Variants in HECW2 observed in about 807,000 individuals in gnomAD.
The protein encoded by HECW2 is E3 ubiquitin-protein ligase HECW2.
In HECW2, 61 loss-of-function variants were observed where a neutral mutation model predicts 175.2. The ratio of observed to expected loss-of-function variants is 0.35; its 90% CI spans 0.28 to 0.43. The LOEUF is 0.43. Among genes scored for constraint, HECW2 ranks in the 20% least tolerant of loss-of-function variants. The probability of loss-of-function intolerance (pLI) is 1.00; values close to 1 mark genes in which losing one functional copy is unlikely to be tolerated. For missense variants in HECW2, 1,524 were observed against 2,000.5 expected (o/e 0.76, Z 4.54); for synonymous variants, 671 against 731.0 (o/e 0.92, Z 1.32).
At chr2:196,207,699 A>T (rs115830536) in intron 28 of HECW2, among the ~76,000 whole-genome samples, 2 of 152,338 alleles carry the variant, frequency 1.3e-5, no homozygotes, top group East Asian at 3.9e-4. Flanking sequence ...AGGTCAACGT[A>T]TATCTCCCAC....
chr2:196,511,660 T>A (rs964058630), intron 1 of HECW2, among the ~76,000 whole-genome samples: 1 of 152,110 alleles, frequency 6.6e-6, no homozygotes, highest in African/African-American at 2.4e-5. Context: ...TATGAGGAAA[T>A]ATTCCTGAAC....
At chr2:196,449,168 G>A (rs1391236519) in intron 1 of HECW2, among the ~76,000 whole-genome samples, 2 of 151,736 alleles carry the variant, frequency 1.3e-5, no homozygotes, top group Non-Finnish European at 2.9e-5. Flanking sequence ...ATTTCGCTGG[G>A]CTACAGTACC....
At chr2:196,416,765 C>G (rs1695266791) in intron 2 of HECW2, among the ~76,000 whole-genome samples, 1 of 152,172 alleles carries the variant, frequency 6.6e-6, no homozygotes, top group South Asian at 2.1e-4. Flanking sequence ...ATGACAAGGG[C>G]TTTGTTGTTA....
At chr2:196,588,491 A>G (rs1311108525) in intron 1 of HECW2, among the ~76,000 whole-genome samples, 3 of 152,238 alleles carry the variant, frequency 2.0e-5, no homozygotes, top group Admixed American at 2.0e-4. Context: ...GATGATTTAA[A>G]GTTTGGAGAG....
At position 196,268,610 on chromosome 2, in the gene HECW2, G is replaced by A. The variant is rs147067634; in HGVS notation, c.3335+2583C>T. Among the ~76,000 whole-genome samples, 595 of 152,294 alleles carry A rather than the reference G, an allele frequency of 3.9e-3. 2 individuals are homozygous for A. The highest frequency in any genetic ancestry group is 0.014 in the African/African-American group (566 of 41,558). The stretch of plus-strand genomic sequence containing the variant: ...GTAGATTAGATCACCTAATCTCTCT[G>A]ATGGTGGAGATTTAAAGATATGTTA... On this transcript the variant is annotated intron_variant, in intron 17 of 28. Transcript: ENST00000644978.
chr2:196,345,764 G>T (rs1319448377), intron 2 of HECW2, among the ~76,000 whole-genome samples: 1 of 152,186 alleles, frequency 6.6e-6, no homozygotes, highest in African/African-American at 2.4e-5. Flanking sequence ...TTTCTGACTT[G>T]ATCTGGAATC....
At chr2:196,337,395 T>G (rs1692587778) in intron 3 of HECW2, among the ~76,000 whole-genome samples, 1 of 151,584 alleles carries the variant, frequency 6.6e-6, no homozygotes, top group South Asian at 2.1e-4. Context: ...GATGACTGAT[T>G]AGGGAGGACC....
chr2:196,270,893 A>G (rs1305948891), intron 17 of HECW2, among the ~76,000 whole-genome samples: 1 of 151,996 alleles, frequency 6.6e-6, no homozygotes, highest in Non-Finnish European at 1.5e-5. Flanking sequence ...ACGGGGTTTC[A>G]CCATGTTGGG....
chr2:196,395,744 G>A (rs1274367784), intron 2 of HECW2, among the ~76,000 whole-genome samples: 2 of 151,810 alleles, frequency 1.3e-5, no homozygotes, highest in Non-Finnish European at 2.9e-5. Context: ...ATGTTAGTGA[G>A]GATGTGGAGA....
chr2:196,484,890 A>AT (rs1686950035), intron 1 of HECW2, among the ~76,000 whole-genome samples: 1 of 152,208 alleles, frequency 6.6e-6, no homozygotes, highest in Non-Finnish European at 1.5e-5. Context: ...TAAAGATTCA[A>AT]TGCGGTAAGC....
Position 196,367,056 on chromosome 2 carries a change from A to T in HECW2, c.293-23292T>A, listed in dbSNP as rs550768210. ...TTCCAATAATGCTTTGCATATAGCAATGAACACAATAATATACCCTGGAGA... is the reference window on the plus strand; with the variant it reads ...TTCCAATAATGCTTTGCATATAGCATTGAACACAATAATATACCCTGGAGA... On this transcript the variant is annotated intron_variant, in intron 2 of 28. Coordinates refer to ENST00000644978, the MANE Select transcript of HECW2 (RefSeq NM_001348768.2). 1.3e-3 allele frequency among the ~76,000 whole-genome samples: 193 copies of T among 152,312 alleles called. 1 individual carries two copies. Among genetic ancestry groups the T allele is most frequent in the African/African-American group, 4.0e-3 (167 of 41,582 alleles).
intron 6 of HECW2, 60 bp from the exon 7 acceptor site, chr2:196,322,680 A>T: frequency 6.9e-7 from 1 of 1,442,772 alleles, no homozygotes; most frequent in Non-Finnish European, 9.6e-7. Flanking sequence ...ATACTATATC[A>T]TTTTATTTGT....
At chr2:196,260,602 T>G (rs1302714713) in intron 17 of HECW2, 1 of 152,234 alleles carries the variant, frequency 6.6e-6, no homozygotes, top group African/African-American at 2.4e-5. Flanking sequence ...GTGGTTAGGC[T>G]TTATACCTTC....
At chr2:196,588,923 C>T (rs1037674719) in intron 1 of HECW2, among the ~76,000 whole-genome samples, 4 of 152,090 alleles carry the variant, frequency 2.6e-5, no homozygotes, top group East Asian at 1.9e-4. Context: ...ATACATAGGC[C>T]GGTCACGGTG....
intron 1 of HECW2, among the ~76,000 whole-genome samples, chr2:196,548,105 G>A (rs1259582018): frequency 6.6e-6 from 1 of 152,078 alleles, no homozygotes; most frequent in Non-Finnish European, 1.5e-5. Flanking sequence ...TAAGATGGGT[G>A]GATCACTTGA....
chr2:196,580,970 G>T (rs905812147), intron 1 of HECW2, among the ~76,000 whole-genome samples: 2 of 152,090 alleles, frequency 1.3e-5, no homozygotes, highest in South Asian at 4.1e-4. Context: ...TCATTTAAAG[G>T]AGTGAAGTAG....
intron 2 of HECW2, among the ~76,000 whole-genome samples, chr2:196,355,511 G>T (rs1236519854): frequency 6.6e-6 from 1 of 152,166 alleles, no homozygotes; most frequent in African/African-American, 2.4e-5. Flanking sequence ...TGCTGTCAAA[G>T]AACTTTCATA....
intron 1 of HECW2, among the ~76,000 whole-genome samples, chr2:196,497,625 C>T (rs1178838012): frequency 6.6e-6 from 1 of 152,146 alleles, no homozygotes; most frequent in Admixed American, 6.5e-5. Context: ...TCCCATTCTC[C>T]CCACCAAGGC....
chr2:196,438,151 A>G (rs915565659), intron 1 of HECW2, among the ~76,000 whole-genome samples: 1 of 152,118 alleles, frequency 6.6e-6, no homozygotes, highest in Non-Finnish European at 1.5e-5. Context: ...AAGAGGAGAG[A>G]ATGAAGATGT....
Sources: gnomAD v4.1 joint callset for allele counts (sites outside exome capture counted in the v4.1 genomes callset) on GRCh38, gnomAD v4.1.1 for gene constraint, MANE v1.5 for transcripts, NCBI Gene and HGNC (gene_info 2026-07-23, HGNC 2026-07-21) for gene names.